The following MAGI3 variants were observed in gnomAD, a reference collection of about 807,000 sequenced individuals.
The protein encoded by MAGI3 is membrane-associated guanylate kinase, WW and PDZ domain-containing protein 3.
A neutral mutation model predicts 121.8 loss-of-function variants in MAGI3; 43 were observed. The ratio of observed to expected loss-of-function variants is 0.35; its 90% CI spans 0.28 to 0.46. The LOEUF is 0.46. MAGI3 is among the 20% of genes least tolerant of loss of function. MAGI3 has a pLI of 1.00. For missense variants in MAGI3, 1,547 were observed against 1,797.3 expected (o/e 0.86, Z 2.52); for synonymous variants, 553 against 639.3 (o/e 0.86, Z 2.04).
chr1:113,512,529 A>T (rs1435535934), intron 1 of MAGI3, among the ~76,000 whole-genome samples: 1 of 152,168 alleles, frequency 6.6e-6, no homozygotes, highest in Admixed American at 6.6e-5. Context: ...TTTGGGCATA[A>T]ATTTTAAGAT....
At chr1:113,405,072 A>T (rs1026345039) in intron 1 of MAGI3, among the ~76,000 whole-genome samples, 1 of 152,170 alleles carries the variant, frequency 6.6e-6, no homozygotes, top group African/African-American at 2.4e-5. Context: ...GATGTAGATA[A>T]ATAAGCTAAA....
chr1:113,496,661 TA>T (rs1391182266), intron 1 of MAGI3, among the ~76,000 whole-genome samples: 3 of 152,188 alleles, frequency 2.0e-5, no homozygotes, highest in Admixed American at 6.5e-5. Context: ...TTTACCTTTT[TA>T]AAAAAACCAC....
At chr1:113,572,366 G>A (rs553456155) in intron 2 of MAGI3, among the ~76,000 whole-genome samples, 1 of 152,200 alleles carries the variant, frequency 6.6e-6, no homozygotes, top group East Asian at 1.9e-4. Context: ...TTTTTTTGTT[G>A]TGTTCTGCCA....
At chr1:113,528,954 A>G (rs896567807) in intron 1 of MAGI3, among the ~76,000 whole-genome samples, 1 of 152,162 alleles carries the variant, frequency 6.6e-6, no homozygotes, top group Non-Finnish European at 1.5e-5. Flanking sequence ...TATGTTACTG[A>G]TTTGACAAGC....
At chr1:113,409,228 G>T (rs1651848121) in intron 1 of MAGI3, among the ~76,000 whole-genome samples, 1 of 151,392 alleles carries the variant, frequency 6.6e-6, no homozygotes, top group Non-Finnish European at 1.5e-5. Flanking sequence ...AAAGAGAAAT[G>T]GAATGGAATT....
At chr1:113,624,603 G>T (rs1651103617) in intron 9 of MAGI3, among the ~76,000 whole-genome samples, 1 of 152,038 alleles carries the variant, frequency 6.6e-6, no homozygotes, top group Non-Finnish European at 1.5e-5. Flanking sequence ...ATATATTCTG[G>T]TTATTAATCT....
At chr1:113,517,560 C>A (rs1391366148) in intron 1 of MAGI3, among the ~76,000 whole-genome samples, 2 of 151,984 alleles carry the variant, frequency 1.3e-5, no homozygotes, top group Admixed American at 6.6e-5. Flanking sequence ...TAATCTCTCT[C>A]CCCTTCCCCC....
At chr1:113,592,778 C>T (rs774812206) in intron 5 of MAGI3, among the ~76,000 whole-genome samples, 74 of 151,832 alleles carry the variant, frequency 4.9e-4, no homozygotes, top group Non-Finnish European at 9.6e-4. Flanking sequence ...TTTGGGAGGC[C>T]GAGGCAGGCG....
At chr1:113,604,341 G>A (rs1484950386) in intron 6 of MAGI3, among the ~76,000 whole-genome samples, 1 of 151,922 alleles carries the variant, frequency 6.6e-6, no homozygotes, top group African/African-American at 2.4e-5. Flanking sequence ...GGCTGAGGCG[G>A]GCAGATCACA....
intron 2 of MAGI3, among the ~76,000 whole-genome samples, chr1:113,558,000 A>G (rs1164033879): frequency 6.6e-6 from 1 of 152,200 alleles, no homozygotes; most frequent in Non-Finnish European, 1.5e-5. Context: ...TAAAAGAAAA[A>G]CAAACAAATA....
intron 1 of MAGI3, among the ~76,000 whole-genome samples, chr1:113,409,276 T>C (rs1418359594): frequency 6.6e-6 from 1 of 151,916 alleles, no homozygotes; most frequent in Non-Finnish European, 1.5e-5. Flanking sequence ...AGTATAAAGG[T>C]AGAGGAGACC....
intron 1 of MAGI3, among the ~76,000 whole-genome samples, chr1:113,453,034 A>G (rs1377455629): frequency 6.6e-6 from 1 of 152,196 alleles, no homozygotes; most frequent in Non-Finnish European, 1.5e-5. Context: ...TGCATGATAT[A>G]CTTTATAAGT....
chr1:113,393,999 A>G (rs1283170922), intron 1 of MAGI3, among the ~76,000 whole-genome samples: 3 of 152,148 alleles, frequency 2.0e-5, no homozygotes, highest in Admixed American at 6.5e-5. Context: ...ATGTTCTCAT[A>G]TTGTCTTCTG....
rs1015174284 is a variant in MAGI3 at position 113,684,410 on chromosome 1, A to C, written c.*396A>C. The C allele has an allele frequency of 1.9e-5, 3 of 158,106 alleles. No homozygotes were observed. Among genetic ancestry groups the C allele is most frequent in the African/African-American group, 7.2e-5 (3 of 41,484 alleles). The allele number at this position is 158,106 out of a possible 1,614,324, so 9.8% of individuals were successfully genotyped here. On this transcript the variant is annotated 3_prime_UTR_variant, in exon 21 of 21. Coordinates refer to ENST00000307546, the MANE Select transcript of MAGI3 (RefSeq NM_001142782.2). ...TTTTTGTTCAGCTGTTTCCACAGTA[A>C]TGAAAAAGTTAGGTTTGGCTTGGAA...
intron 12 of MAGI3, among the ~76,000 whole-genome samples, chr1:113,647,258 G>A (rs41352847): frequency 0.1 from 15,706 of 152,260 alleles, 1,042 homozygotes; most frequent in East Asian, 0.19. Flanking sequence ...TCACAGAGGA[G>A]AGCAGGAACA....
intron 1 of MAGI3, among the ~76,000 whole-genome samples, chr1:113,486,685 G>C (rs147583286): frequency 2.3e-4 from 33 of 142,556 alleles, no homozygotes; most frequent in African/African-American, 7.9e-4. Context: ...AGGGCCTTGC[G>C]ATTTCACCCA....
At chr1:113,453,734 T>C (rs1654602562) in intron 1 of MAGI3, among the ~76,000 whole-genome samples, 1 of 152,268 alleles carries the variant, frequency 6.6e-6, no homozygotes, top group African/African-American at 2.4e-5. Flanking sequence ...GCCTGTATTC[T>C]TCTTTAGGGA....
chr1:113,417,439 G>T (rs1355045712), intron 1 of MAGI3, among the ~76,000 whole-genome samples: 2 of 151,992 alleles, frequency 1.3e-5, no homozygotes, highest in Non-Finnish European at 2.9e-5. Flanking sequence ...TCAGAGACAG[G>T]GTCTTGCTTT....
chr1:113,590,768 T>C, intron 5 of MAGI3, 110 bp downstream of exon 5: 2 of 999,266 alleles, frequency 2.0e-6, no homozygotes, highest in Non-Finnish European at 2.8e-6. Flanking sequence ...ACTCATTTTT[T>C]TTCTTTCTTT....
Sources: allele counts gnomAD v4.1 joint callset (sites outside exome capture counted in the v4.1 genomes callset), GRCh38; gene constraint gnomAD v4.1.1; transcripts MANE v1.5; gene names NCBI Gene and HGNC (gene_info 2026-07-23, HGNC 2026-07-21).